The following TPO variants were observed in gnomAD, a reference collection of about 807,000 sequenced individuals.
TPO encodes thyroid peroxidase.
TPO carries 78 observed loss-of-function variants against 96.9 expected under a neutral mutation model. That is an observed-to-expected ratio of 0.81 (90% CI 0.67 to 0.97). The LOEUF is 0.97. TPO is among the 50% of genes least tolerant of loss of function. The pLI is 0.00. For synonymous variants in TPO, 547 were observed against 538.0 expected, an observed-to-expected ratio of 1.02 and a Z score of -0.23; for missense variants, 1,252 against 1,274.8, an observed-to-expected ratio of 0.98 and a Z score of 0.27.
chr2:1,535,386 C>G lies in TPO; in HGVS notation c.2619-5208C>G, dbSNP rs188659319. ...ACTGTGTGCAACCTCCTCAAATCTC[C>G]CCACTGTGAGCAACCTCCCCAAATC... On this transcript the variant is annotated intron_variant, in intron 15 of 16. Transcript: ENST00000329066. Among the ~76,000 whole-genome samples the G allele has an allele frequency of 1.6e-3, 113 of 72,870 alleles. 3 individuals carry two copies. Among genetic ancestry groups the G allele is most frequent in the African/African-American group, 5.2e-3 (108 of 20,582 alleles). The allele number at this position is 72,870 out of a possible 152,430, so 47.8% of individuals were successfully genotyped here.
intron 1 of TPO, among the ~76,000 whole-genome samples, chr2:1,398,667 G>A (rs1055356462): frequency 1.3e-5 from 2 of 152,216 alleles, no homozygotes; most frequent in African/African-American, 4.8e-5. Flanking sequence ...CCTGGTTCAT[G>A]TGCAGGCAAG....
At chr2:1,524,359 C>T (rs1376320796) in intron 15 of TPO, among the ~76,000 whole-genome samples, 1 of 141,558 alleles carries the variant, frequency 7.1e-6, no homozygotes, top group African/African-American at 2.7e-5. Context: ...CAAATCCCTC[C>T]ACTCTGTTCA....
chr2:1,400,331 A>G (rs1662147571), intron 1 of TPO, among the ~76,000 whole-genome samples: 1 of 152,132 alleles, frequency 6.6e-6, no homozygotes, highest in Admixed American at 6.5e-5. Flanking sequence ...TGTCTCTACT[A>G]AAAATATAAA....
At chr2:1,434,091 C>T (rs1665309946) in intron 4 of TPO, among the ~76,000 whole-genome samples, 1 of 152,122 alleles carries the variant, frequency 6.6e-6, no homozygotes, top group South Asian at 2.1e-4. Context: ...AGGACAGTGG[C>T]ACTGCTCACT....
chr2:1,374,102 T>G (rs897033196), upstream of TPO: 1 of 152,294 alleles, frequency 6.6e-6, no homozygotes. Flanking sequence ...AAGTCTGCAG[T>G]TCACCTCTGT....
intron 6 of TPO, among the ~76,000 whole-genome samples, 190 bp from the exon 7 acceptor site, chr2:1,455,886 A>T (rs1399667577): frequency 6.6e-6 from 1 of 152,172 alleles, no homozygotes; most frequent in Admixed American, 6.6e-5. Context: ...CAAGGCAGGG[A>T]TTCAAGTCCA....
chr2:1,415,128 C>T (rs1662774663), intron 2 of TPO, among the ~76,000 whole-genome samples: 2 of 147,338 alleles, frequency 1.4e-5, no homozygotes, highest in South Asian at 4.4e-4. Flanking sequence ...CGGGCAGGTC[C>T]CTGGGCCTCT....
At position 1,375,504 on chromosome 2, in the gene TPO, A is replaced by AGGGCAGGCAGTGGGGCAC. The variant is rs1380427819; in HGVS notation, n.180+1103_180+1120dup. Reference sequence around the variant, plus strand: ...CAGGAGGGGAGAAGGAAAAAGAGGGAGGGCAGGCAGTGGGGCACAGTCAGG... The same window carrying AGGGCAGGCAGTGGGGCAC: ...CAGGAGGGGAGAAGGAAAAAGAGGGAGGGCAGGCAGTGGGGCACGGGCAGGCAGTGGGGCACAGTCAGG... On this transcript the variant is annotated intron_variant and non_coding_transcript_variant, in intron 1 of 5. Transcript: ENST00000497517. 3.3e-5 allele frequency among the ~76,000 whole-genome samples: 5 copies of AGGGCAGGCAGTGGGGCAC among 151,508 alleles called. No individual in the cohort carries two copies. In the East Asian group the frequency reaches 7.7e-4, roughly 23 times the overall value.
intron 2 of TPO, among the ~76,000 whole-genome samples, chr2:1,415,182 G>C (rs1225310290): frequency 6.7e-6 from 1 of 148,492 alleles, no homozygotes; most frequent in African/African-American, 2.5e-5. Context: ...ACCTCGCCGG[G>C]CAGGTCCCTG....
At chr2:1,380,057 CTTATT>C (rs1661783457) in intron 1 of TPO, among the ~76,000 whole-genome samples, 1 of 152,094 alleles carries the variant, frequency 6.6e-6, no homozygotes, top group African/African-American at 2.4e-5. Flanking sequence ...CTATTTGTTC[CTTATT>C]TTATTTGATA....
At chr2:1,384,412 G>C (rs199730268) in intron 1 of TPO, among the ~76,000 whole-genome samples, 11,720 of 151,984 alleles carry the variant, frequency 0.077, 878 homozygotes, top group East Asian at 0.31. Context: ...AGTTCTCCTT[G>C]AAGAGGTCCT....
chr2:1,527,621 A>C (rs1488372387), intron 15 of TPO, among the ~76,000 whole-genome samples: 8 of 114,866 alleles, frequency 7.0e-5, no homozygotes, highest in Non-Finnish European at 1.1e-4. Context: ...TCTCCAAGTC[A>C]CCCCTACTCT....
intron 15 of TPO, among the ~76,000 whole-genome samples, chr2:1,528,995 C>A (rs1451469279): frequency 7.1e-6 from 1 of 140,560 alleles, no homozygotes; most frequent in Admixed American, 7.2e-5. Context: ...CTCCTAAAAT[C>A]CCCCCACTGT....
chr2:1,516,201 C>T (rs904709057), intron 14 of TPO, among the ~76,000 whole-genome samples: 4 of 152,272 alleles, frequency 2.6e-5, no homozygotes, highest in East Asian at 1.9e-4. Flanking sequence ...GCTCTGGGGC[C>T]GGCTCCTGGG....
At chr2:1,467,260 T>G (rs1369596851) in intron 7 of TPO, among the ~76,000 whole-genome samples, 1 of 152,014 alleles carries the variant, frequency 6.6e-6, no homozygotes, top group Non-Finnish European at 1.5e-5. Flanking sequence ...TCCACCACCA[T>G]GCCCAGCTAA....
chr2:1,475,615 G>A (rs1045058798), intron 7 of TPO, among the ~76,000 whole-genome samples: 1 of 151,934 alleles, frequency 6.6e-6, no homozygotes, highest in Non-Finnish European at 1.5e-5. Context: ...AGTAGAGACG[G>A]GGTTTCACTG....
At position 1,436,695 on chromosome 2, in the gene TPO, A is replaced by G. The variant is rs573933617; in HGVS notation, c.482+311A>G. Among the ~76,000 whole-genome samples, 38 of 152,266 alleles carry G rather than the reference A, an allele frequency of 2.5e-4. No individual in the cohort carries two copies. The Middle Eastern group carries it at 0.031, about 123-fold the overall frequency. On this transcript the variant is annotated intron_variant, in intron 5 of 16. Coordinates refer to ENST00000329066, the MANE Select transcript of TPO (RefSeq NM_001206744.2). ...AGCTCAAGCCACGTGCTTAGGCGCCATCCTTGATTTCGCTAGCTCCGCTAC... is the reference window on the plus strand; with the variant it reads ...AGCTCAAGCCACGTGCTTAGGCGCCGTCCTTGATTTCGCTAGCTCCGCTAC...
chr2:1,533,214 T>A (rs1301201275), intron 15 of TPO, among the ~76,000 whole-genome samples: 1 of 6,286 alleles, frequency 1.6e-4, no homozygotes, highest in African/African-American at 9.8e-4. Flanking sequence ...TATCCCCCCA[T>A]ATCCCCCCAC....
chr2:1,540,444 G>C (rs1293969226), intron 15 of TPO, 150 bp from the exon 16 acceptor site: 2 of 1,561,772 alleles, frequency 1.3e-6, no homozygotes, highest in African/African-American at 2.7e-5. Context: ...GATTATGATC[G>C]ACTTGACTGA....
Sources: allele counts gnomAD v4.1 joint callset (sites outside exome capture counted in the v4.1 genomes callset), GRCh38; gene constraint gnomAD v4.1.1; transcripts MANE v1.5; gene names NCBI Gene and HGNC (gene_info 2026-07-23, HGNC 2026-07-21).